TRAPPC9: variants seen among roughly 807,000 people sequenced by gnomAD.
TRAPPC9 encodes trafficking protein particle complex subunit 9.
Under a neutral mutation model 124.0 loss-of-function variants are expected in TRAPPC9, and 83 were observed. The observed-to-expected ratio is 0.67, with a 90% CI of 0.56 to 0.80. The LOEUF is 0.80. Among genes scored for constraint, TRAPPC9 ranks in the 30% least tolerant of loss-of-function variants. TRAPPC9 has a pLI of 0.00. For synonymous variants in TRAPPC9, 638 were observed against 617.5 expected (o/e 1.03, Z -0.49); for missense variants, 1,302 against 1,508.3 (o/e 0.86, Z 2.27).
chr8:139,829,909 C>T lies in TRAPPC9; in HGVS notation c.3055+55970G>A, dbSNP rs559726528. Among the ~76,000 whole-genome samples, 8 of 152,312 alleles carry T rather than the reference C, an allele frequency of 5.3e-5. No individual in the cohort carries two copies. In the East Asian group the frequency reaches 1.5e-3, roughly 29 times the overall value. ...GAGTGACAGCGCTGGGGCTGGAATCCAGCCACATGTGTGTCCACAGACCAC... is the reference window on the plus strand; with the variant it reads ...GAGTGACAGCGCTGGGGCTGGAATCTAGCCACATGTGTGTCCACAGACCAC... On this transcript the variant is annotated intron_variant, in intron 21 of 22. Transcript: ENST00000438773.
At chr8:140,102,918 T>C (rs1770124804) in intron 17 of TRAPPC9, among the ~76,000 whole-genome samples, 1 of 152,176 alleles carries the variant, frequency 6.6e-6, no homozygotes, top group Admixed American at 6.5e-5. Flanking sequence ...GTGGCTCCCA[T>C]TTTGAGGGAG....
At chr8:140,219,969 G>A (rs1339110763) in intron 17 of TRAPPC9, among the ~76,000 whole-genome samples, 5 of 152,246 alleles carry the variant, frequency 3.3e-5, no homozygotes, top group Non-Finnish European at 7.3e-5. Flanking sequence ...AAGCATTTCA[G>A]CACAACCTCT....
At chr8:140,219,346 G>A (rs887683271) in intron 17 of TRAPPC9, among the ~76,000 whole-genome samples, 6 of 152,150 alleles carry the variant, frequency 3.9e-5, no homozygotes, top group African/African-American at 9.7e-5. Flanking sequence ...TAAGAGCTCC[G>A]TCGATAGCCG....
chr8:140,381,971 C>T (rs1224888442), intron 7 of TRAPPC9, among the ~76,000 whole-genome samples: 1 of 152,212 alleles, frequency 6.6e-6, no homozygotes, highest in Non-Finnish European at 1.5e-5. Context: ...TGTGTTCCCA[C>T]AAACACTTGT....
intron 8 of TRAPPC9, among the ~76,000 whole-genome samples, chr8:140,363,226 T>C (rs527409360): frequency 6.6e-6 from 1 of 152,246 alleles, no homozygotes; most frequent in South Asian, 2.1e-4. Context: ...GCAACACAAA[T>C]AAGATTTAAA....
chr8:139,772,692 C>T (rs770683649), intron 21 of TRAPPC9, among the ~76,000 whole-genome samples: 5 of 152,210 alleles, frequency 3.3e-5, no homozygotes, highest in Non-Finnish European at 5.9e-5. Flanking sequence ...CTAACATATA[C>T]GACACCTAGT....
chr8:140,139,123 G>T (rs977525075), intron 17 of TRAPPC9, among the ~76,000 whole-genome samples: 5 of 152,186 alleles, frequency 3.3e-5, no homozygotes, highest in Non-Finnish European at 7.3e-5. Flanking sequence ...GGATGGCACA[G>T]GTAAGGGATC....
intron 11 of TRAPPC9, among the ~76,000 whole-genome samples, chr8:140,299,567 G>A (rs1285859639): frequency 3.3e-5 from 5 of 152,238 alleles, no homozygotes; most frequent in Admixed American, 2.0e-4. Context: ...GCCAAGCAGC[G>A]GCCAGCCTCC....
At chr8:140,174,410 A>C (rs1038028095) in intron 17 of TRAPPC9, among the ~76,000 whole-genome samples, 3 of 152,190 alleles carry the variant, frequency 2.0e-5, no homozygotes, top group African/African-American at 7.2e-5. Context: ...ATTGAGGTAT[A>C]ATTCACACGC....
intron 1 of TRAPPC9, among the ~76,000 whole-genome samples, chr8:140,451,647 C>A (rs774561381): frequency 1.3e-5 from 2 of 152,198 alleles, no homozygotes; most frequent in Non-Finnish European, 2.9e-5. Flanking sequence ...TTCTCACCAC[C>A]TAACCAGGAG....
intron 21 of TRAPPC9, among the ~76,000 whole-genome samples, chr8:139,879,959 T>A (rs1829577068): frequency 6.6e-6 from 1 of 152,184 alleles, no homozygotes; most frequent in African/African-American, 2.4e-5. Flanking sequence ...TCTGTGGGAT[T>A]TGAAGCCAAG....
At chr8:140,040,862 T>C (rs940964870) in intron 17 of TRAPPC9, 1 of 151,830 alleles carries the variant, frequency 6.6e-6, no homozygotes, top group East Asian at 1.9e-4. Context: ...AAGATGTCCA[T>C]GAAAAGGGGG....
In TRAPPC9 at chr8:140,451,012, T is replaced by C; in HGVS notation, c.362A>G (p.Gln121Arg). The C allele has an allele frequency of 1.2e-6, 2 of 1,614,102 alleles. No individual in the cohort carries two copies. The change falls in exon 2 of 23, where the codon CAG (glutamine) becomes CGG (arginine). Residue 121 changes from glutamine (Q) to arginine (R), a missense_variant. This residue lies in a region of TRAPPC9 where 657 missense variants were observed against 811.2 expected (regional missense o/e 0.81). Coordinates refer to ENST00000438773, the MANE Select transcript of TRAPPC9 (RefSeq NM_001160372.4). Reference sequence around the variant, plus strand: ...GCGCGGCTGCTCCACGATCTCCCCCTGCAGCCCGAAGACAAAGAGCCGGGA... The same window carrying C: ...GCGCGGCTGCTCCACGATCTCCCCCCGCAGCCCGAAGACAAAGAGCCGGGA... ...YDSRLFVFGL[Q>R]GEIVEQPRTD...
intron 9 of TRAPPC9, among the ~76,000 whole-genome samples, chr8:140,317,279 T>C (rs1262643745): frequency 6.6e-6 from 1 of 152,186 alleles, no homozygotes; most frequent in Non-Finnish European, 1.5e-5. Context: ...GTTTTTCTAA[T>C]TCCTTAAGAT....
intron 1 of TRAPPC9, chr8:140,456,892 G>A: frequency 1.0e-6 from 1 of 959,486 alleles, no homozygotes; most frequent in Non-Finnish European, 1.2e-6. Context: ...AAAACTTTCG[G>A]TTAACAGACA....
At chr8:139,815,304 T>A (rs971478760) in intron 21 of TRAPPC9, among the ~76,000 whole-genome samples, 1 of 152,056 alleles carries the variant, frequency 6.6e-6, no homozygotes, top group Non-Finnish European at 1.5e-5. Context: ...GGGGCAGGGG[T>A]AGCAAATAAC....
chr8:139,955,768 G>A (rs146851327), intron 19 of TRAPPC9, among the ~76,000 whole-genome samples: 3 of 152,306 alleles, frequency 2.0e-5, no homozygotes, highest in Non-Finnish European at 2.9e-5. Flanking sequence ...TTTCCTGTTC[G>A]TGAGGGCTGT....
intron 17 of TRAPPC9, among the ~76,000 whole-genome samples, chr8:140,145,551 C>G (rs905443677): frequency 6.6e-6 from 1 of 152,144 alleles, no homozygotes; most frequent in African/African-American, 2.4e-5. Flanking sequence ...TTTCCTCAAT[C>G]AATCTGCTAC....
At chr8:139,951,014 G>T (rs572428735) in intron 19 of TRAPPC9, among the ~76,000 whole-genome samples, 1 of 152,164 alleles carries the variant, frequency 6.6e-6, no homozygotes, top group Non-Finnish European at 1.5e-5. Flanking sequence ...ACCTGCTCAC[G>T]GCTTGGAGTC....
Sources: allele counts gnomAD v4.1 joint callset (sites outside exome capture counted in the v4.1 genomes callset), GRCh38; gene constraint gnomAD v4.1.1; regional missense constraint gnomAD v4.1.1; transcripts MANE v1.5; gene names NCBI Gene and HGNC (gene_info 2026-07-23, HGNC 2026-07-21).